The following PDLIM5 variants were observed in gnomAD, a reference collection of about 807,000 sequenced individuals.
PDLIM5 encodes the protein PDZ and LIM domain protein 5.
A neutral mutation model predicts 64.2 loss-of-function variants in PDLIM5; 34 were observed. The observed-to-expected ratio is 0.53, with a 90% CI of 0.40 to 0.71. The LOEUF (loss-of-function observed/expected upper bound fraction) is 0.71. PDLIM5 is among the 30% of genes least tolerant of loss of function. The pLI is 0.00. For missense variants in PDLIM5, 683 were observed against 733.6 expected (o/e 0.93, Z 0.80); for synonymous variants, 253 against 269.1 (o/e 0.94, Z 0.59).
At chr4:94,579,821 C>T (rs1444350468) in intron 5 of PDLIM5, among the ~76,000 whole-genome samples, 1 of 152,104 alleles carries the variant, frequency 6.6e-6, no homozygotes, top group Non-Finnish European at 1.5e-5. Flanking sequence ...TTATATCAGT[C>T]AAGACTGGTA....
chr4:94,650,825 G>A (rs2136486), intron 9 of PDLIM5, among the ~76,000 whole-genome samples: 2 of 150,500 alleles, frequency 1.3e-5, no homozygotes, highest in African/African-American at 4.9e-5. Context: ...CACATGCCCC[G>A]CCTTTTTGGA....
intron 2 of PDLIM5, among the ~76,000 whole-genome samples, chr4:94,516,203 C>G (rs1729343231): frequency 6.6e-6 from 1 of 152,186 alleles, no homozygotes; most frequent in Non-Finnish European, 1.5e-5. Context: ...CTAGATAGCT[C>G]CATGGCTACA....
At chr4:94,627,716 C>T (rs1430953441) in intron 8 of PDLIM5, among the ~76,000 whole-genome samples, 1 of 152,328 alleles carries the variant, frequency 6.6e-6, no homozygotes, top group East Asian at 1.9e-4. Flanking sequence ...TATTTATTCT[C>T]TGGCTCTTTA....
At chr4:94,616,415 G>A (rs980880029) in intron 7 of PDLIM5, among the ~76,000 whole-genome samples, 5 of 152,104 alleles carry the variant, frequency 3.3e-5, no homozygotes, top group South Asian at 2.1e-4. Context: ...TTTAAGCCTC[G>A]TAGAAATCTT....
At chr4:94,484,598 AG>A (rs1175150703) in intron 2 of PDLIM5, among the ~76,000 whole-genome samples, 1 of 152,186 alleles carries the variant, frequency 6.6e-6, no homozygotes, top group African/African-American at 2.4e-5. Flanking sequence ...TTTACAAACT[AG>A]GAGACTGAGG....
At chr4:94,610,127 G>T (rs1439100840) in intron 7 of PDLIM5, 1 of 1,364,164 alleles carries the variant, frequency 7.3e-7, no homozygotes, top group Non-Finnish European at 9.9e-7. Context: ...TTTCCTTTTT[G>T]TTCCTCTCCT....
chr4:94,636,268 A>C (rs1043746811), intron 8 of PDLIM5, among the ~76,000 whole-genome samples: 1 of 152,166 alleles, frequency 6.6e-6, no homozygotes, highest in Non-Finnish European at 1.5e-5. Context: ...TAATGTGATA[A>C]AATAAAGGCA....
intron 2 of PDLIM5, among the ~76,000 whole-genome samples, chr4:94,487,726 A>G (rs917073134): frequency 4.6e-5 from 7 of 152,372 alleles, no homozygotes; most frequent in Admixed American, 1.3e-4. Flanking sequence ...TGTGTAGCAC[A>G]GAATCATTCC....
rs920471855 is a variant in PDLIM5, at chr4:94,665,861, A to T, written c.*1794A>T. ...GTAGTGTTGGGAGGGGAGTTTAATT[A>T]CTCAGATTGGCCTGTTATTTGATTT... On this transcript the variant is annotated 3_prime_UTR_variant, in exon 13 of 13. Transcript: ENST00000317968. 1 of 1,397,110 alleles carries T rather than the reference A, an allele frequency of 7.2e-7. No homozygotes were observed. The highest frequency in any genetic ancestry group is 2.7e-5 in the East Asian group (1 of 37,626). The allele number at this position is 1,397,110 out of a possible 1,614,324, so 86.5% of individuals were successfully genotyped here. A position where few individuals can be genotyped will look rare whatever the true frequency, so the allele number is the denominator to read the frequency against.
intron 3 of PDLIM5, among the ~76,000 whole-genome samples, chr4:94,526,742 T>C (rs1730392848): frequency 6.6e-6 from 1 of 151,746 alleles, no homozygotes. Context: ...TTCTTTCTTT[T>C]TTTTTTTGAG....
At position 94,594,599 on chromosome 4, in the gene PDLIM5, GCA is replaced by G. The variant is rs112401177; in HGVS notation, c.920+8170_920+8171del. ...ATTTAGAGATAATTATGTTATACAT[GCA>G]CACACACACACACATTTATGCCAAA... On this transcript the variant is annotated intron_variant, in intron 7 of 12. Transcript: ENST00000317968. Among the ~76,000 whole-genome samples, 349 of 150,428 alleles carry G rather than the reference GCA, an allele frequency of 2.3e-3. 1 individual carries two copies. The highest frequency in any genetic ancestry group is 7.4e-3 in the African/African-American group (303 of 41,190).
intron 3 of PDLIM5, among the ~76,000 whole-genome samples, chr4:94,535,694 C>T (rs1578327455): frequency 1.3e-5 from 2 of 152,038 alleles, no homozygotes; most frequent in South Asian, 4.1e-4. Flanking sequence ...ATATCTTGAA[C>T]GAAAATGTTT....
chr4:94,665,773 A>G lies in PDLIM5; in HGVS notation c.*1706A>G. On this transcript the variant is annotated 3_prime_UTR_variant, in exon 13 of 13. Coordinates refer to ENST00000317968, the MANE Select transcript of PDLIM5 (RefSeq NM_006457.5). ...AGACTTTTTGTGGTTTTCTCTCAAT[A>G]ATAAGTGAACCAATTTCAAATGTGA... The G allele has an allele frequency of 7.9e-7, 1 of 1,264,800 alleles. No homozygotes were observed. The highest frequency in any genetic ancestry group is 9.9e-7 in the Non-Finnish European group (1 of 1,006,970). 78.3% of individuals were successfully genotyped at this position (1,264,800 alleles called of 1,614,324 possible).
chr4:94,512,266 G>T (rs533977134), intron 2 of PDLIM5, among the ~76,000 whole-genome samples: 3 of 151,944 alleles, frequency 2.0e-5, no homozygotes, highest in African/African-American at 4.8e-5. Flanking sequence ...TGATCCGCCC[G>T]CCTCAGCCTC....
chr4:94,611,380 A>G lies in PDLIM5; in HGVS notation c.921-6624A>G, dbSNP rs1021877355. On this transcript the variant is annotated intron_variant, in intron 7 of 12. Transcript: ENST00000317968. ...CTAATGCACAAGCACAGTATGTCCT[A>G]TGATTATTAACTCACCTTTTAACCT... 2.6e-5 allele frequency among the ~76,000 whole-genome samples: 4 copies of G among 152,230 alleles called. 1 individual carries two copies. The highest frequency in any genetic ancestry group is 2.1e-4 in the South Asian group (1 of 4,830).
At chr4:94,543,070 C>A (rs770898188) in intron 3 of PDLIM5, among the ~76,000 whole-genome samples, 7 of 152,194 alleles carry the variant, frequency 4.6e-5, no homozygotes, top group Non-Finnish European at 7.3e-5. Context: ...GCATACTACA[C>A]TGTTTTATCA....
chr4:94,592,343 A>T (rs559645112), intron 7 of PDLIM5, among the ~76,000 whole-genome samples: 29 of 152,358 alleles, frequency 1.9e-4, no homozygotes, highest in African/African-American at 7.0e-4. Flanking sequence ...AATCTTAAGT[A>T]TTAGCCATTT....
chr4:94,551,026 GC>G (rs1732760127), intron 3 of PDLIM5, among the ~76,000 whole-genome samples: 1 of 152,014 alleles, frequency 6.6e-6, no homozygotes, highest in Non-Finnish European at 1.5e-5. Context: ...AAAGGCAAAG[GC>G]CCAAGAAAAG....
intron 3 of PDLIM5, among the ~76,000 whole-genome samples, chr4:94,544,499 C>G (rs191701607): frequency 1.4e-4 from 21 of 152,194 alleles, no homozygotes; most frequent in Non-Finnish European, 2.6e-4. Context: ...TCTTATTTTC[C>G]CAATTTTATA....
Sources: gnomAD v4.1 joint callset for allele counts (sites outside exome capture counted in the v4.1 genomes callset) on GRCh38, gnomAD v4.1.1 for gene constraint, MANE v1.5 for transcripts, NCBI Gene and HGNC (gene_info 2026-07-23, HGNC 2026-07-21) for gene names.